HIP1: variants seen among roughly 807,000 people sequenced by gnomAD.
HIP1 encodes the protein huntingtin interacting protein 1.
HIP1 carries 65 observed loss-of-function variants against 147.6 expected under a neutral mutation model. The ratio of observed to expected loss-of-function variants is 0.44; its 90% CI spans 0.36 to 0.54. The LOEUF is 0.54. Ranked by LOEUF, HIP1 falls within the 20% of genes least tolerant of loss-of-function variation. The probability of loss-of-function intolerance (pLI) is 0.00; values close to 1 mark genes in which losing one functional copy is unlikely to be tolerated. For synonymous variants in HIP1, 479 were observed against 504.0 expected (o/e 0.95, Z 0.67); for missense variants, 1,061 against 1,299.6 (o/e 0.82, Z 2.82).
At chr7:75,617,368 C>T (rs1372224650) in intron 1 of HIP1, among the ~76,000 whole-genome samples, 2 of 152,010 alleles carry the variant, frequency 1.3e-5, no homozygotes, top group African/African-American at 2.4e-5. Flanking sequence ...CGTGAGCCAC[C>T]GCACCCAGCC....
chr7:75,599,215 C>T lies in HIP1; in HGVS notation c.153G>A (p.Gln51=). The change falls in exon 2 of 31, where the codon CAG becomes CAA. Residue 51 remains glutamine (Q), a synonymous_variant. Coordinates refer to ENST00000336926, the MANE Select transcript of HIP1 (RefSeq NM_005338.7). ...CGTGTTTTTCCTTTACAGCCACTTC[C>T]TGCGTATTAATGGCCTTATTGATGC... The part of the protein sequence containing the change: ...TVSINKAINT[Q]EVAVKEKHAR... 1 of 1,613,538 alleles carries T rather than the reference C, an allele frequency of 6.2e-7. No homozygotes were observed. The highest frequency in any genetic ancestry group is 1.3e-5 in the African/African-American group (1 of 75,040).
chr7:75,582,145 T>G lies in HIP1; in HGVS notation c.472A>C (p.Arg158=), dbSNP rs782533052. 5.6e-6 allele frequency: 9 copies of G among 1,613,456 alleles called. No individual in the cohort carries two copies. The highest frequency in any genetic ancestry group is 7.6e-6 in the Non-Finnish European group (9 of 1,179,704). The change falls in exon 6 of 31, where the codon AGG becomes CGG. Residue 158 remains arginine (R), a synonymous_variant. Coordinates refer to ENST00000336926, the MANE Select transcript of HIP1 (RefSeq NM_005338.7). ...CTCATCTGCAGGTTGCCTGGGAACC[T>G]GGGATTCTGGAAGGGAGGCAGAGGA... ...TKMEYHTKNP[R]FPGNLQMSDR...
intron 1 of HIP1, among the ~76,000 whole-genome samples, chr7:75,636,560 A>C (rs1554509724): frequency 6.6e-6 from 1 of 152,186 alleles, no homozygotes; most frequent in Non-Finnish European, 1.5e-5. Context: ...AACAGAAAGT[A>C]CTTTTGGCCT....
intron 1 of HIP1, among the ~76,000 whole-genome samples, chr7:75,617,582 C>A (rs1554506340): frequency 1.3e-5 from 2 of 152,180 alleles, no homozygotes; most frequent in African/African-American, 4.8e-5. Context: ...CAGCTGCCTC[C>A]CTCCATAAGA....
At chr7:75,736,574 G>C (rs1422628902) in intron 1 of HIP1, among the ~76,000 whole-genome samples, 6 of 152,024 alleles carry the variant, frequency 3.9e-5, no homozygotes, top group African/African-American at 1.4e-4. Flanking sequence ...AAAATAAAAG[G>C]AATATACACA....
Position 75,557,762 on chromosome 7 carries a change from C to T in HIP1, c.1473G>A (p.Glu491=). The change falls in exon 16 of 31, where the codon GAG becomes GAA. Residue 491 remains glutamate, a synonymous_variant. Transcript: ENST00000336926. ...NHADLLRKNA[E]VTKQVSMARQ... ...TGGCCATGGACACCTGTTTGGTCAC[C>T]TCTGCATTCTGCAAAAGAAGAACAG... 6.2e-7 allele frequency: 1 copy of T among 1,612,522 alleles called. No individual in the cohort carries two copies. The highest frequency in any genetic ancestry group is 2.2e-5 in the East Asian group (1 of 44,882).
intron 1 of HIP1, among the ~76,000 whole-genome samples, chr7:75,610,671 C>T (rs1472818231): frequency 6.6e-6 from 1 of 151,606 alleles, no homozygotes; most frequent in African/African-American, 2.4e-5. Context: ...CATAAGTCAT[C>T]AGGACTGGCT....
In HIP1 at chr7:75,656,307, C is replaced by T. The variant is rs572440159; in HGVS notation, c.121-57060G>A. On this transcript the variant is annotated intron_variant, in intron 1 of 30. Transcript: ENST00000336926. ...TTAGTTTATAATAAAGGTGGCATTT[C>T]AAATTAGTAGGGAAAGGGCAGGCTA... Among the ~76,000 whole-genome samples the T allele has an allele frequency of 6.8e-4, 103 of 150,988 alleles. 1 individual carries two copies. Among genetic ancestry groups the T allele is most frequent in the African/African-American group, 2.5e-3 (101 of 41,090 alleles).
intron 1 of HIP1, among the ~76,000 whole-genome samples, chr7:75,723,680 G>T (rs1208116812): frequency 6.6e-6 from 1 of 152,044 alleles, no homozygotes; most frequent in East Asian, 1.9e-4. Flanking sequence ...TTCTCATGCT[G>T]GGAAACTCCC....
At chr7:75,678,486 G>A (rs1391324803) in intron 1 of HIP1, among the ~76,000 whole-genome samples, 1 of 151,924 alleles carries the variant, frequency 6.6e-6, no homozygotes, top group Non-Finnish European at 1.5e-5. Flanking sequence ...TGGGATTACA[G>A]GCGCCCGCCA....
chr7:75,736,027 C>T (rs1354096912), intron 1 of HIP1, among the ~76,000 whole-genome samples: 2 of 150,314 alleles, frequency 1.3e-5, no homozygotes, highest in East Asian at 3.9e-4. Context: ...GAGGCTAGTT[C>T]AAGACCAGCC....
At position 75,555,513 on chromosome 7, in the gene HIP1, C is replaced by A. The variant is rs782135244; in HGVS notation, c.1866G>T (p.Met622Ile). 2.5e-6 allele frequency: 4 copies of A among 1,614,102 alleles called. No homozygotes were observed. The African/African-American group carries it at 5.3e-5, about 22-fold the overall frequency. The change falls in exon 19 of 31, where the codon ATG becomes ATT. Residue 622 changes from methionine (M) to isoleucine (I), a missense_variant. Around this residue, in one of 3 missense-constraint regions of HIP1, gnomAD observed 810 missense variants for 946.8 expected, o/e 0.86. Coordinates refer to ENST00000336926, the MANE Select transcript of HIP1 (RefSeq NM_005338.7). Reference protein sequence around the residue: ...MCQLAKDQRKMLLVGSRKAAE... With the variant: ...MCQLAKDQRKILLVGSRKAAE... The stretch of plus-strand genomic sequence containing the variant: ...CAGCCTTCCTGGACCCCACCAGAAG[C>A]ATTTTTCGTTGGTCTTTGGCAAGCT...
At chr7:75,695,865 G>A (rs1217395436) in intron 1 of HIP1, among the ~76,000 whole-genome samples, 7 of 149,182 alleles carry the variant, frequency 4.7e-5, no homozygotes, top group Non-Finnish European at 9.0e-5. Context: ...ATGAGCCACC[G>A]TGCCTGGCTG....
rs1270665848 is a variant in HIP1 at position 75,593,992 on chromosome 7, T to C, written c.185-1478A>G. Among the ~76,000 whole-genome samples the C allele has an allele frequency of 2.6e-5, 4 of 151,324 alleles. No individual in the cohort carries two copies. In the East Asian group the frequency reaches 5.9e-4, roughly 22 times the overall value. ...GTCGTCAGTTTGCATGTAATAAATG[T>C]CCATCAGGGTGGAGCGCGGTGGCTC... On this transcript the variant is annotated intron_variant, in intron 2 of 30. Transcript: ENST00000336926.
At chr7:75,614,097 G>C (rs587614817) in intron 1 of HIP1, among the ~76,000 whole-genome samples, 1 of 152,290 alleles carries the variant, frequency 6.6e-6, no homozygotes, top group African/African-American at 2.4e-5. Context: ...AAATTCCTTT[G>C]TAGAAATGGG....
At chr7:75,624,326 A>G (rs1797956976) in intron 1 of HIP1, among the ~76,000 whole-genome samples, 1 of 152,190 alleles carries the variant, frequency 6.6e-6, no homozygotes, top group African/African-American at 2.4e-5. Context: ...GGATTTCATC[A>G]TCGGCTGCAC....
At chr7:75,616,163 G>A (rs372124509) in intron 1 of HIP1, among the ~76,000 whole-genome samples, 3 of 150,820 alleles carry the variant, frequency 2.0e-5, no homozygotes, top group Non-Finnish European at 2.9e-5. Flanking sequence ...TCGTAACATC[G>A]TCCTAGACAA....
chr7:75,642,434 T>C (rs113337146), intron 1 of HIP1, among the ~76,000 whole-genome samples: 6,242 of 151,822 alleles, frequency 0.041, 160 homozygotes, highest in Middle Eastern at 0.085. Context: ...AGTCAGGAGG[T>C]TGAGGCAGGA....
chr7:75,674,986 G>A (rs1355455773), intron 1 of HIP1, among the ~76,000 whole-genome samples: 5 of 151,296 alleles, frequency 3.3e-5, no homozygotes, highest in Non-Finnish European at 7.4e-5. Flanking sequence ...ATTTTTCATC[G>A]AATTTAGCAT....
Sources: gnomAD v4.1 joint callset for allele counts (sites outside exome capture counted in the v4.1 genomes callset) on GRCh38, gnomAD v4.1.1 for gene constraint, gnomAD v4.1.1 regional missense constraint, MANE v1.5 for transcripts, NCBI Gene and HGNC (gene_info 2026-07-23, HGNC 2026-07-21) for gene names.